The following PCYT1B variants were observed in gnomAD, a reference collection of about 807,000 sequenced individuals.
PCYT1B encodes choline-phosphate cytidylyltransferase B.
Under a neutral mutation model 26.4 loss-of-function variants are expected in PCYT1B, and 10 were observed. That is an observed-to-expected ratio of 0.38 (90% CI 0.23 to 0.64). The LOEUF is 0.64. PCYT1B is among the 30% of genes least tolerant of loss of function. The pLI is 0.56. For synonymous variants in PCYT1B, 131 were observed against 108.4 expected, an observed-to-expected ratio of 1.21 and a Z score of -1.29; for missense variants, 161 against 292.7, an observed-to-expected ratio of 0.55 and a Z score of 3.28.
rs1027412753 is a variant in PCYT1B, at chrX:24,578,408, A to T, written c.708+908T>A. On this transcript the variant is annotated intron_variant, in intron 6 of 7. Coordinates refer to ENST00000379144, the MANE Select transcript of PCYT1B (RefSeq NM_004845.5). The stretch of plus-strand genomic sequence containing the variant: ...ATGTAGATGACGGGTTGATGGGTGC[A>T]GCAAACCACCATGGCACGTGTATAC... Among the ~76,000 whole-genome samples the T allele has an allele frequency of 1.9e-4, 21 of 111,616 alleles. 1 individual carries two copies. Among genetic ancestry groups the T allele is most frequent in the Admixed American group, 1.2e-3 (13 of 10,500 alleles).
intron 7 of PCYT1B, among the ~76,000 whole-genome samples, chrX:24,565,784 C>CAA (rs141453106): frequency 0.034 from 2,637 of 77,479 alleles, 69 homozygotes; most frequent in African/African-American, 0.087. Flanking sequence ...TTCTGTACCT[C>CAA]AAAAAAAAAA....
At chrX:24,575,058 G>A (rs1602152589) in intron 7 of PCYT1B, 72 bp downstream of exon 7, 2 of 890,270 alleles carry the variant, frequency 2.2e-6, no homozygotes, top group East Asian at 6.5e-5. Flanking sequence ...GGGCACCCTT[G>A]AGTGGCTCCA....
At chrX:24,615,147 T>G (rs927971350) in intron 2 of PCYT1B, among the ~76,000 whole-genome samples, 1 of 111,771 alleles carries the variant, frequency 8.9e-6, no homozygotes, top group Non-Finnish European at 1.9e-5. Flanking sequence ...AATAAAGAAA[T>G]TTCTAACACA....
chrX:24,593,947 A>T (rs977729801), intron 3 of PCYT1B, among the ~76,000 whole-genome samples: 1 of 111,602 alleles, frequency 9.0e-6, no homozygotes, highest in Non-Finnish European at 1.9e-5. Context: ...GTTTTCTATT[A>T]TAAAAGTTTA....
chrX:24,654,915 C>T (rs1372926423), intron 1 of PCYT1B, among the ~76,000 whole-genome samples: 1 of 110,719 alleles, frequency 9.0e-6, no homozygotes, highest in African/African-American at 3.3e-5. Flanking sequence ...GAGCCACTTT[C>T]CCAGTTGTCC....
At chrX:24,655,439 G>A (rs937708039) in intron 1 of PCYT1B, among the ~76,000 whole-genome samples, 5 of 112,040 alleles carry the variant, frequency 4.5e-5, no homozygotes, top group Non-Finnish European at 9.4e-5. Flanking sequence ...TTGTGCAACC[G>A]TGGATTTGGA....
At chrX:24,587,875 A>C (rs916555480) in intron 4 of PCYT1B, among the ~76,000 whole-genome samples, 4 of 112,692 alleles carry the variant, frequency 3.5e-5, no homozygotes, top group African/African-American at 1.3e-4. Flanking sequence ...CAAGGCTTAA[A>C]GACTGGAGTG....
chrX:24,610,488 T>C lies in PCYT1B; in HGVS notation c.218-2627A>G, dbSNP rs1342698201. On this transcript the variant is annotated intron_variant, in intron 2 of 7. Coordinates refer to ENST00000379144, the MANE Select transcript of PCYT1B (RefSeq NM_004845.5). ...TAATGAGGGAGCCTTGCTTTCAATG[T>C]TCTTATTCAATGTGAATTCAATTGA... is the stretch of plus-strand genomic sequence containing the variant. 1.9e-4 allele frequency among the ~76,000 whole-genome samples: 21 copies of C among 112,003 alleles called. No individual in the cohort carries two copies. In the Admixed American group the frequency reaches 1.9e-3, roughly 10 times the overall value.
intron 1 of PCYT1B, among the ~76,000 whole-genome samples, chrX:24,634,179 G>A (rs1456772482): frequency 3.6e-5 from 4 of 111,569 alleles, no homozygotes; most frequent in South Asian, 3.8e-4. Flanking sequence ...TCAGTGTCCC[G>A]AAGTGTTGGA....
At chrX:24,659,560 T>C (rs1926988458) in intron 1 of PCYT1B, among the ~76,000 whole-genome samples, 1 of 111,910 alleles carries the variant, frequency 8.9e-6, no homozygotes, top group Non-Finnish European at 1.9e-5. Flanking sequence ...TAGGGGTGTC[T>C]TAGTCTGTTT....
At chrX:24,594,533 G>A (rs1924716437) in intron 3 of PCYT1B, among the ~76,000 whole-genome samples, 1 of 111,400 alleles carries the variant, frequency 9.0e-6, no homozygotes, top group Non-Finnish European at 1.9e-5. Flanking sequence ...GAGCAATTTG[G>A]TATAACTTCT....
intron 6 of PCYT1B, among the ~76,000 whole-genome samples, chrX:24,578,316 C>T (rs774016481): frequency 2.8e-5 from 3 of 108,446 alleles, no homozygotes; most frequent in Non-Finnish European, 3.8e-5. Context: ...GGGAGGGGAA[C>T]ATCACACACC....
At chrX:24,633,318 A>G (rs1407535394) in intron 1 of PCYT1B, among the ~76,000 whole-genome samples, 1 of 109,506 alleles carries the variant, frequency 9.1e-6, no homozygotes, top group Non-Finnish European at 1.9e-5. Flanking sequence ...CCCTGGCTTG[A>G]TCATTACACA....
Position 24,619,004 on chromosome X carries a change from C to G in PCYT1B, c.198G>C (p.Gln66His). The change falls in exon 2 of 8, where the codon CAG becomes CAC. Residue 66 changes from glutamine (Q) to histidine (H), a missense_variant. Gln to His is a conservative substitution (Grantham distance 24, BLOSUM62 0). This residue lies in a region of PCYT1B where 51 missense variants were observed against 51.0 expected (regional missense o/e 1.00). Transcript: ENST00000379144. ...QAPHEKLTIA[Q>H]ARLGTPADRP... ...CCTCACCTGGTGTTCCTAAGCGGGC[C>G]TGAGCAATGGTCAGTTTTTCATGGG... 2 of 1,159,721 alleles carry G rather than the reference C, an allele frequency of 1.7e-6. No individual in the cohort carries two copies. Among genetic ancestry groups the G allele is most frequent in the Non-Finnish European group, 2.3e-6 (2 of 864,826 alleles).
In PCYT1B at chrX:24,669,334, T is replaced by G. The variant is rs755641810; in HGVS notation, c.63+3236A>C. 7.4e-5 allele frequency among the ~76,000 whole-genome samples: 8 copies of G among 108,383 alleles called. No homozygotes were observed. In the East Asian group the frequency reaches 2.3e-3, roughly 32 times the overall value. The allele number at this position is 108,383 out of a possible 115,157, so 94.1% of individuals were successfully genotyped here. A position where few individuals can be genotyped will look rare whatever the true frequency, so the allele number is the denominator to read the frequency against. ...GAGTTCGAGACCAGCCTGACCAACA[T>G]GGCGAAACCCCGTCTCTACTAAAAG... On this transcript the variant is annotated intron_variant, in intron 1 of 7. Transcript: ENST00000379145.
intron 2 of PCYT1B, among the ~76,000 whole-genome samples, 187 bp downstream of exon 2, chrX:24,618,798 T>A (rs111629900): frequency 9.1e-6 from 1 of 109,909 alleles, no homozygotes; most frequent in African/African-American, 3.3e-5. Context: ...AATTTTGTAT[T>A]TTTAGTAGAG....
intron 7 of PCYT1B, among the ~76,000 whole-genome samples, chrX:24,564,953 A>G (rs1391726103): frequency 1.8e-5 from 2 of 110,363 alleles, no homozygotes; most frequent in African/African-American, 6.6e-5. Flanking sequence ...CGGGTCCAAG[A>G]AATTGGAAAG....
At chrX:24,581,797 T>C (rs1437037534) in intron 5 of PCYT1B, among the ~76,000 whole-genome samples, 1 of 112,398 alleles carries the variant, frequency 8.9e-6, no homozygotes, top group Non-Finnish European at 1.9e-5. Flanking sequence ...CCAAACCCAG[T>C]TCTCTCTGAA....
chrX:24,565,784 CA>C lies in PCYT1B; in HGVS notation c.898-3280del, dbSNP rs141453106. On this transcript the variant is annotated intron_variant, in intron 7 of 7. Coordinates refer to ENST00000379144, the MANE Select transcript of PCYT1B (RefSeq NM_004845.5). Reference sequence around the variant, plus strand: ...ACAAAATTTTAAAACTTCTGTACCTCAAAAAAAAAAAAAACACCATGAAATA... The same window carrying C: ...ACAAAATTTTAAAACTTCTGTACCTCAAAAAAAAAAAAACACCATGAAATA... Among the ~76,000 whole-genome samples the C allele has an allele frequency of 7.1e-3, 546 of 77,426 alleles. 2 individuals carry two copies. The highest frequency in any genetic ancestry group is 0.014 in the African/African-American group (287 of 21,174). The allele number at this position is 77,426 out of a possible 115,157, so 67.2% of individuals were successfully genotyped here.
Sources: allele counts gnomAD v4.1 joint callset (sites outside exome capture counted in the v4.1 genomes callset), GRCh38; gene constraint gnomAD v4.1.1; regional missense constraint gnomAD v4.1.1; transcripts MANE v1.5; gene names NCBI Gene and HGNC (gene_info 2026-07-23, HGNC 2026-07-21).